RB1: variants seen among roughly 807,000 people sequenced by gnomAD.
RB1 encodes RB transcriptional corepressor 1.
Under a neutral mutation model 135.4 loss-of-function variants are expected in RB1, and 18 were observed. The ratio of observed to expected loss-of-function variants is 0.13; its 90% CI spans 0.09 to 0.20. The LOEUF (loss-of-function observed/expected upper bound fraction) is 0.20. RB1 is among the 10% of genes least tolerant of loss of function. The probability of loss-of-function intolerance (pLI) is 1.00; values close to 1 mark genes in which losing one functional copy is unlikely to be tolerated. For missense variants in RB1, 868 were observed against 1,110.0 expected, an observed-to-expected ratio of 0.78 and a Z score of 3.10; for synonymous variants, 365 against 373.2, an observed-to-expected ratio of 0.98 and a Z score of 0.25.
chr13:48,308,280 G>A (rs1952102575), intron 2 of RB1, among the ~76,000 whole-genome samples: 1 of 151,418 alleles, frequency 6.6e-6, no homozygotes, highest in African/African-American at 2.4e-5. Flanking sequence ...AACCTGGGAG[G>A]TGGAGGTTAC....
chr13:48,426,827 G>T (rs982951654), intron 17 of RB1: 4 of 152,186 alleles, frequency 2.6e-5, no homozygotes, highest in Non-Finnish European at 4.4e-5. Flanking sequence ...TGGGTAATTT[G>T]TAAAGAAAAG....
rs1447604903 is a variant in RB1, at chr13:48,318,305, C to A, written c.264+10899C>A. The stretch of plus-strand genomic sequence containing the variant: ...GCCCGCCCAGCTGCTCCAGGAAGTG[C>A]ATCTGGGCAGTGCTGAACCTGACCT... On this transcript the variant is annotated intron_variant, in intron 2 of 26. Transcript: ENST00000267163. The A allele has an allele frequency of 3.3e-6, 4 of 1,217,940 alleles. No individual in the cohort carries two copies. The Admixed American group carries it at 8.7e-5, about 26-fold the overall frequency. The allele number at this position is 1,217,940 out of a possible 1,614,324, so 75.4% of individuals were successfully genotyped here.
intron 26 of RB1, 81 bp downstream of exon 26, chr13:48,477,485 G>A (rs1949511174): frequency 9.4e-6 from 11 of 1,164,680 alleles, no homozygotes; most frequent in Non-Finnish European, 1.4e-5. Flanking sequence ...ATAAAAGAAT[G>A]TATAATTTCT....
At chr13:48,446,451 A>G (rs570579473) in intron 17 of RB1, among the ~76,000 whole-genome samples, 2 of 152,354 alleles carry the variant, frequency 1.3e-5, no homozygotes, top group African/African-American at 4.8e-5. Flanking sequence ...GCCTTCCTGC[A>G]TCTTGCTTGC....
At chr13:48,362,253 A>G (rs1328425986) in intron 7 of RB1, among the ~76,000 whole-genome samples, 68 of 152,090 alleles carry the variant, frequency 4.5e-4, no homozygotes, top group Admixed American at 4.5e-3. Flanking sequence ...GCCATCTGTA[A>G]TATTTTTAAT....
At chr13:48,366,449 G>C (rs1241775502) in intron 9 of RB1, among the ~76,000 whole-genome samples, 1 of 152,072 alleles carries the variant, frequency 6.6e-6, no homozygotes, top group East Asian at 1.9e-4. Flanking sequence ...CATTTAATTG[G>C]ATTTCTTCCT....
chr13:48,385,476 T>G (rs1948564768), intron 17 of RB1, among the ~76,000 whole-genome samples: 1 of 152,074 alleles, frequency 6.6e-6, no homozygotes, highest in Non-Finnish European at 1.5e-5. Context: ...TAGGGCTAAG[T>G]GCAGTAGGTA....
chr13:48,432,247 C>T (rs1460642900), intron 17 of RB1, among the ~76,000 whole-genome samples: 1 of 152,062 alleles, frequency 6.6e-6, no homozygotes, highest in African/African-American at 2.4e-5. Context: ...AAGGCCTTCT[C>T]CAATCTGTAT....
chr13:48,412,203 A>G, intron 17 of RB1: 1 of 1,614,036 alleles, frequency 6.2e-7, no homozygotes, highest in South Asian at 1.1e-5. Context: ...GAAGTAAAAA[A>G]TCCTGAAGGG....
intron 11 of RB1, 126 bp from the exon 12 acceptor site, chr13:48,373,271 TTGAGGGAA>T (rs1566196342): frequency 6.2e-6 from 4 of 646,050 alleles, no homozygotes; most frequent in Non-Finnish European, 1.1e-5. Flanking sequence ...ACAGTCTTAT[TTGAGGGAA>T]TGTAGAGACA....
intron 26 of RB1, 66 bp from the exon 27 acceptor site, chr13:48,479,932 T>C (rs1949527539): frequency 3.2e-6 from 4 of 1,257,210 alleles, no homozygotes; most frequent in South Asian, 2.5e-5. Flanking sequence ...ATAATATATA[T>C]GGCAGCCACT....
chr13:48,424,482 G>T (rs915586404), intron 17 of RB1, among the ~76,000 whole-genome samples: 2 of 152,208 alleles, frequency 1.3e-5, no homozygotes, highest in African/African-American at 4.8e-5. Context: ...GATGGTTGAA[G>T]CAGGTTCAAA....
intron 2 of RB1, among the ~76,000 whole-genome samples, chr13:48,339,287 C>T (rs198634): frequency 0.21 from 31,757 of 152,214 alleles, 3,461 homozygotes; most frequent in Non-Finnish European, 0.24. Context: ...TCTACAGAGG[C>T]AGGCAGGCCT....
chr13:48,377,178 G>A, intron 13 of RB1, 144 bp downstream of exon 13: 1 of 852,400 alleles, frequency 1.2e-6, no homozygotes, highest in Non-Finnish European at 1.8e-6. Context: ...GCCTGTGTAT[G>A]CTGCTATTTA....
intron 2 of RB1, among the ~76,000 whole-genome samples, chr13:48,327,741 G>A (rs1446230482): frequency 6.6e-6 from 1 of 152,108 alleles, no homozygotes; most frequent in Non-Finnish European, 1.5e-5. Context: ...GTTTTAAATA[G>A]ACAATTAACT....
At chr13:48,436,601 C>G (rs2138293814) in intron 17 of RB1, among the ~76,000 whole-genome samples, 1 of 151,968 alleles carries the variant, frequency 6.6e-6, no homozygotes, top group East Asian at 1.9e-4. Context: ...CAAGATTGCA[C>G]CACTGCACTC....
intron 17 of RB1, chr13:48,417,125 G>C (rs1482956447): frequency 6.6e-6 from 1 of 152,420 alleles, no homozygotes; most frequent in East Asian, 1.9e-4. Flanking sequence ...CATGTCTCCT[G>C]ACTGGGAAAC....
At chr13:48,430,140 T>G (rs1318339270) in intron 17 of RB1, among the ~76,000 whole-genome samples, 1 of 152,218 alleles carries the variant, frequency 6.6e-6, no homozygotes, top group Non-Finnish European at 1.5e-5. Context: ...TATTAGACTT[T>G]TAACAGGTCA....
chr13:48,400,642 C>A (rs188145943), intron 17 of RB1, among the ~76,000 whole-genome samples: 2 of 152,046 alleles, frequency 1.3e-5, no homozygotes, highest in Non-Finnish European at 2.9e-5. Context: ...GATAAAGAGA[C>A]CTGAGGTCCA....
Sources: gnomAD v4.1 joint callset for allele counts (sites outside exome capture counted in the v4.1 genomes callset) on GRCh38, gnomAD v4.1.1 for gene constraint, MANE v1.5 for transcripts, NCBI Gene and HGNC (gene_info 2026-07-23, HGNC 2026-07-21) for gene names.